The following MYT1L variants were observed in gnomAD, a reference collection of about 807,000 sequenced individuals.
MYT1L encodes the protein myelin transcription factor 1-like protein.
MYT1L carries 12 observed loss-of-function variants against 126.7 expected under a neutral mutation model. The observed-to-expected ratio is 0.09, with a 90% CI of 0.06 to 0.15. MYT1L has a LOEUF of 0.15. Among genes scored for constraint, MYT1L ranks in the 10% least tolerant of loss-of-function variants. The pLI is 1.00. For missense variants in MYT1L, 979 were observed against 1,585.2 expected (o/e 0.62, Z 6.49); for synonymous variants, 541 against 604.2 (o/e 0.90, Z 1.53).
chr2:2,071,858 C>T (rs963065715), intron 3 of MYT1L, among the ~76,000 whole-genome samples: 2 of 152,134 alleles, frequency 1.3e-5, no homozygotes, highest in African/African-American at 4.8e-5. Flanking sequence ...TAAAACCAGG[C>T]TCAGGCGTGA....
chr2:2,169,716 C>A (rs1358043862), intron 3 of MYT1L, among the ~76,000 whole-genome samples: 1 of 152,120 alleles, frequency 6.6e-6, no homozygotes, highest in Non-Finnish European at 1.5e-5. Flanking sequence ...CCCACCCCAC[C>A]CGGTTGTGTG....
intron 4 of MYT1L, among the ~76,000 whole-genome samples, chr2:2,017,231 C>A (rs1332822882): frequency 2.0e-5 from 3 of 152,258 alleles, no homozygotes; most frequent in African/African-American, 4.8e-5. Flanking sequence ...CTGCACTCAC[C>A]TGACATCAAC....
At chr2:1,903,926 C>G (rs192671632) in intron 13 of MYT1L, among the ~76,000 whole-genome samples, 1 of 150,494 alleles carries the variant, frequency 6.6e-6, no homozygotes, top group South Asian at 2.1e-4. Context: ...GACACCATGT[C>G]GTGTGTGTGT....
intron 1 of MYT1L, among the ~76,000 whole-genome samples, chr2:2,323,087 A>G (rs1028919158): frequency 6.6e-6 from 1 of 152,236 alleles, no homozygotes; most frequent in African/African-American, 2.4e-5. Flanking sequence ...AGAAACTTGC[A>G]GAATGAGAGG....
chr2:2,139,495 T>C (rs1426674860), intron 3 of MYT1L, among the ~76,000 whole-genome samples: 4 of 151,784 alleles, frequency 2.6e-5, no homozygotes, highest in Non-Finnish European at 5.9e-5. Flanking sequence ...AAAAATTAGC[T>C]GGGCGTGGTG....
At chr2:2,053,579 CCTT>C (rs2069108268) in intron 4 of MYT1L, among the ~76,000 whole-genome samples, 1 of 152,198 alleles carries the variant, frequency 6.6e-6, no homozygotes, top group East Asian at 1.9e-4. Flanking sequence ...TAATTAATGA[CCTT>C]CTTAATTTCC....
At chr2:1,832,657 C>T (rs1390604593) in intron 21 of MYT1L, among the ~76,000 whole-genome samples, 2 of 152,178 alleles carry the variant, frequency 1.3e-5, no homozygotes, top group Non-Finnish European at 1.5e-5. Flanking sequence ...AGCTCTCCTC[C>T]GCGGCCACCA....
intron 18 of MYT1L, among the ~76,000 whole-genome samples, chr2:1,855,622 A>G (rs1378490511): frequency 6.6e-6 from 1 of 152,236 alleles, no homozygotes; most frequent in Non-Finnish European, 1.5e-5. Context: ...AAGTTCCTGT[A>G]GATGGTTAAG....
At chr2:2,227,548 G>A (rs780925261) in intron 2 of MYT1L, among the ~76,000 whole-genome samples, 39 of 152,230 alleles carry the variant, frequency 2.6e-4, no homozygotes, top group East Asian at 1.4e-3. Flanking sequence ...TTCCCAGCTC[G>A]TCACACCCAG....
rs991513908 is a variant in MYT1L, at chr2:1,937,042, C to T, written c.505+5940G>A. 1.5e-4 allele frequency among the ~76,000 whole-genome samples: 23 copies of T among 152,232 alleles called. No individual in the cohort carries two copies. In the East Asian group the frequency reaches 3.9e-3, roughly 26 times the overall value. ...AAGAAGGTGGGGAGTGGAAACACCC[C>T]GTTAGAAAATTGTCCCATGCACAGG... On this transcript the variant is annotated intron_variant, in intron 9 of 24. Coordinates refer to ENST00000647738, the MANE Select transcript of MYT1L (RefSeq NM_001303052.2).
At chr2:2,157,412 ATTTC>A (rs1451951257) in intron 3 of MYT1L, among the ~76,000 whole-genome samples, 4 of 152,184 alleles carry the variant, frequency 2.6e-5, no homozygotes, top group African/African-American at 7.2e-5. Context: ...TTTAATAATA[ATTTC>A]TTTATTATTC....
At chr2:2,077,344 T>A (rs2150287372) in intron 3 of MYT1L, among the ~76,000 whole-genome samples, 1 of 152,082 alleles carries the variant, frequency 6.6e-6, no homozygotes, top group Non-Finnish European at 1.5e-5. Flanking sequence ...AATTAAAGAG[T>A]TCAATGAATT....
intron 3 of MYT1L, among the ~76,000 whole-genome samples, chr2:2,101,196 A>AT (rs201519756): frequency 7.3e-5 from 11 of 151,128 alleles, no homozygotes; most frequent in East Asian, 1.9e-4. Flanking sequence ...TTTACATCAT[A>AT]TTTTTTTTTA....
chr2:1,851,603 AAG>A (rs777310272), intron 19 of MYT1L, 36 bp downstream of exon 19: 11 of 1,592,948 alleles, frequency 6.9e-6, no homozygotes, highest in Non-Finnish European at 8.6e-7. Context: ...TTCAGTGAGA[AAG>A]AGCATTTTGG....
rs1192856113 is a variant in MYT1L, at chr2:2,181,290, CTG to C, written c.-420-8304_-420-8303del. The stretch of plus-strand genomic sequence containing the variant: ...CCTGTGTGTACCCGTGTGCGTGCAC[CTG>C]TGTGTGTACCTATGTGTCTGTGAAG... On this transcript the variant is annotated intron_variant, in intron 2 of 24. Transcript: ENST00000647738. Among the ~76,000 whole-genome samples, 3 of 152,022 alleles carry C rather than the reference CTG, an allele frequency of 2.0e-5. No homozygotes were observed. In the East Asian group the frequency reaches 5.8e-4, roughly 29 times the overall value.
At position 2,091,801 on chromosome 2, in the gene MYT1L, A is replaced by G. The variant is rs770163367; in HGVS notation, c.-303-37678T>C. Among the ~76,000 whole-genome samples, 6 of 152,312 alleles carry G rather than the reference A, an allele frequency of 3.9e-5. No individual in the cohort carries two copies. In the Middle Eastern group the frequency reaches 0.01, roughly 259 times the overall value. On this transcript the variant is annotated intron_variant, in intron 3 of 24. Transcript: ENST00000647738. ...ATCAGCACTTGCTGCTTCTCCTTGC[A>G]CTTTTATGTTACAGAGATGACTTCT...
intron 14 of MYT1L, among the ~76,000 whole-genome samples, chr2:1,900,073 C>T (rs931453642): frequency 6.6e-6 from 1 of 152,204 alleles, no homozygotes; most frequent in Non-Finnish European, 1.5e-5. Flanking sequence ...GTACTTTTCT[C>T]CCTTACGACA....
chr2:2,065,932 G>T (rs886255821), intron 3 of MYT1L, among the ~76,000 whole-genome samples: 1 of 151,588 alleles, frequency 6.6e-6, no homozygotes, highest in African/African-American at 2.4e-5. Context: ...TAAAATAACA[G>T]CAAGAAAACT....
At chr2:1,897,930 T>A (rs2049833974) in intron 14 of MYT1L, among the ~76,000 whole-genome samples, 1 of 152,048 alleles carries the variant, frequency 6.6e-6, no homozygotes, top group South Asian at 2.1e-4. Context: ...TCTTAAACCA[T>A]CCTAAAAATA....
Sources: allele counts gnomAD v4.1 joint callset (sites outside exome capture counted in the v4.1 genomes callset), GRCh38; gene constraint gnomAD v4.1.1; transcripts MANE v1.5; gene names NCBI Gene and HGNC (gene_info 2026-07-23, HGNC 2026-07-21).